The following STK3 variants were observed in gnomAD, a reference collection of about 807,000 sequenced individuals.
STK3 encodes serine/threonine-protein kinase 3.
A neutral mutation model predicts 58.0 loss-of-function variants in STK3; 41 were observed. The observed-to-expected ratio is 0.71, with a 90% confidence interval of 0.55 to 0.92. The LOEUF (loss-of-function observed/expected upper bound fraction) is 0.92, where lower values mean the gene tolerates loss of function less well. Among genes scored for constraint, STK3 ranks in the 40% least tolerant of loss-of-function variants. STK3 has a pLI of 0.00. For missense variants in STK3, 479 were observed against 602.7 expected (o/e 0.79, Z 2.15); for synonymous variants, 170 against 191.0 (o/e 0.89, Z 0.91).
At chr8:98,470,003 A>G (rs932746899) in intron 10 of STK3, among the ~76,000 whole-genome samples, 1 of 152,176 alleles carries the variant, frequency 6.6e-6, no homozygotes. Context: ...ATCTGAAATA[A>G]ATGACCCAGC....
At chr8:98,698,155 A>T (rs535015365) in intron 6 of STK3, among the ~76,000 whole-genome samples, 2 of 151,660 alleles carry the variant, frequency 1.3e-5, no homozygotes, top group Non-Finnish European at 2.9e-5. Flanking sequence ...GTTGGTTTAA[A>T]GTCTGTTTTA....
intron 1 of STK3, among the ~76,000 whole-genome samples, chr8:98,384,852 C>T (rs934682207): frequency 1.3e-5 from 2 of 152,122 alleles, no homozygotes; most frequent in Non-Finnish European, 2.9e-5. Context: ...CAGCCCCAAA[C>T]CCTAGCCAAT....
chr8:98,896,957 C>T (rs545684062), intron 1 of STK3, among the ~76,000 whole-genome samples: 6 of 151,024 alleles, frequency 4.0e-5, no homozygotes, highest in East Asian at 2.0e-4. Flanking sequence ...TCAGCATGGG[C>T]GACAGAGACC....
upstream of STK3, among the ~76,000 whole-genome samples, chr8:98,826,231 C>A (rs544446074): frequency 6.6e-6 from 1 of 152,312 alleles, no homozygotes; most frequent in African/African-American, 2.4e-5. Context: ...CGTGTGAATC[C>A]GTTTGAAGTA....
Position 98,738,052 on chromosome 8 carries a change from AAAG to A in STK3, c.351+11221_351+11223del, listed in dbSNP as rs1347135020. Among the ~76,000 whole-genome samples, 10 of 152,358 alleles carry A rather than the reference AAAG, an allele frequency of 6.6e-5. No individual in the cohort carries two copies. In the East Asian group the frequency reaches 1.7e-3, roughly 26 times the overall value. ...ATTTAAAAATGCATTTAAATACAAA[AAAG>A]AAGAACTGAACACAAAGATATTCTA... is the stretch of plus-strand genomic sequence containing the variant. On this transcript the variant is annotated intron_variant, in intron 4 of 10. Transcript: ENST00000419617.
intron 3 of STK3, among the ~76,000 whole-genome samples, chr8:98,868,287 AGT>A (rs1367705064): frequency 6.6e-6 from 1 of 152,258 alleles, no homozygotes; most frequent in Non-Finnish European, 1.5e-5. Context: ...TTCTCAAAGA[AGT>A]CTCAGTTGAG....
chr8:98,684,615 G>C (rs938215613), intron 6 of STK3, among the ~76,000 whole-genome samples: 2 of 152,096 alleles, frequency 1.3e-5, no homozygotes, highest in African/African-American at 4.8e-5. Context: ...TCTTCAAAAA[G>C]AACTCTGTGA....
At chr8:98,707,454 G>T in intron 4 of STK3, 143 bp from the exon 5 acceptor site, 1 of 611,438 alleles carries the variant, frequency 1.6e-6, no homozygotes, top group Non-Finnish European at 2.6e-6. Context: ...CCAGGCTACA[G>T]TGCAGTGGTG....
At chr8:98,431,606 C>T (rs1389106934) in intron 3 of STK3, 7 of 166,930 alleles carry the variant, frequency 4.2e-5, no homozygotes, top group African/African-American at 7.3e-5. Flanking sequence ...TGGCCGCTGA[C>T]CAGGAAGCTT....
chr8:98,601,392 A>C (rs1319881632), intron 6 of STK3: 1 of 152,160 alleles, frequency 6.6e-6, no homozygotes, highest in South Asian at 2.1e-4. Context: ...ATCCAACAAT[A>C]TCATAAAACA....
intron 9 of STK3, 94 bp downstream of exon 9, chr8:98,547,875 T>C (rs894660122): frequency 1.1e-5 from 13 of 1,161,294 alleles, no homozygotes; most frequent in Non-Finnish European, 1.4e-5. Context: ...TTTTCCACAG[T>C]TGGCTATAAA....
the STK3 span, among the ~76,000 whole-genome samples, chr8:98,352,462 G>A: frequency 7.2e-5 from 11 of 152,138 alleles, no homozygotes; most frequent in Non-Finnish European, 8.8e-5. Flanking sequence ...AAAGCTTTCT[G>A]AGCTCCAACA....
In STK3 at chr8:98,523,247, G is replaced by A. The variant is rs185071939; in HGVS notation, c.1317+3495C>T. Among the ~76,000 whole-genome samples, 113 of 152,160 alleles carry A rather than the reference G, an allele frequency of 7.4e-4. No homozygotes were observed. In the South Asian group the frequency reaches 7.7e-3, roughly 10 times the overall value. Reference sequence around the variant, plus strand: ...GTTTTGATAATAGTCATTTGAATGGGTGTGTAGTATCTTATTGTAGTTTTG... The same window carrying A: ...GTTTTGATAATAGTCATTTGAATGGATGTGTAGTATCTTATTGTAGTTTTG... On this transcript the variant is annotated intron_variant, in intron 10 of 10. Transcript: ENST00000419617.
At chr8:98,933,038 C>T (rs963480649) in intron 1 of STK3, among the ~76,000 whole-genome samples, 89 of 152,078 alleles carry the variant, frequency 5.9e-4, no homozygotes, top group African/African-American at 2.1e-3. Flanking sequence ...TGGGTTATAT[C>T]GTCTCTAAAC....
chr8:98,858,323 T>TATATATATATAGAGAG (rs1189807446), intron 3 of STK3, among the ~76,000 whole-genome samples: 14 of 16,270 alleles, frequency 8.6e-4, no homozygotes, highest in East Asian at 2.6e-3. Context: ...TATATATATA[T>TATATATATATAGAGAG]AGAGAGAGAG....
intron 3 of STK3, among the ~76,000 whole-genome samples, chr8:98,420,412 T>G (rs1270242318): frequency 2.0e-5 from 3 of 152,230 alleles, no homozygotes; most frequent in African/African-American, 7.2e-5. Flanking sequence ...TATTAGTTAT[T>G]GTTCATCTCT....
chr8:98,882,125 T>C (rs568359857), downstream of STK3: 1 of 152,266 alleles, frequency 6.6e-6, no homozygotes, highest in Admixed American at 6.5e-5. Flanking sequence ...CCAAAATAAA[T>C]AAAAAATTTA....
intron 7 of STK3, among the ~76,000 whole-genome samples, chr8:98,582,885 A>G (rs1490029321): frequency 6.6e-6 from 1 of 152,142 alleles, no homozygotes; most frequent in Non-Finnish European, 1.5e-5. Context: ...CGGAATATCA[A>G]AATATCCCAA....
intron 10 of STK3, among the ~76,000 whole-genome samples, chr8:98,503,690 G>T (rs560293877): frequency 1.3e-5 from 2 of 152,138 alleles, no homozygotes; most frequent in African/African-American, 4.8e-5. Context: ...AGGTTGTTCC[G>T]TTTCTGTGTA....
Sources: allele counts gnomAD v4.1 joint callset (sites outside exome capture counted in the v4.1 genomes callset), GRCh38; gene constraint gnomAD v4.1.1; transcripts MANE v1.5; gene names NCBI Gene and HGNC (gene_info 2026-07-23, HGNC 2026-07-21).